TP73: variants seen among roughly 807,000 people sequenced by gnomAD.
TP73 encodes the protein p53-like transcription factor.
In TP73, 25 loss-of-function variants were observed where a neutral mutation model predicts 62.5. The observed-to-expected ratio is 0.40, with a 90% CI of 0.29 to 0.56. TP73 has a LOEUF of 0.56. TP73 is among the 20% of genes least tolerant of loss of function. The pLI, the probability that TP73 is intolerant of heterozygous loss-of-function variation, is 0.46. For missense variants in TP73, 754 were observed against 913.3 expected (o/e 0.83, Z 2.25); for synonymous variants, 423 against 377.5 (o/e 1.12, Z -1.40).
intron 3 of TP73, among the ~76,000 whole-genome samples, chr1:3,702,770 C>T (rs1415542229): frequency 2.0e-5 from 3 of 152,228 alleles, no homozygotes; most frequent in South Asian, 2.1e-4. Context: ...TTGTGGCCGC[C>T]GCGGGCCGGG....
intron 3 of TP73, among the ~76,000 whole-genome samples, chr1:3,705,046 T>C (rs1051544280): frequency 2.6e-5 from 4 of 152,168 alleles, no homozygotes; most frequent in African/African-American, 9.7e-5. Context: ...ATATTTTGTT[T>C]CGTTTTTTGA....
intron 13 of TP73, 73 bp from the exon 14 acceptor site, chr1:3,732,674 C>T (rs1244150279): frequency 1.9e-5 from 27 of 1,399,730 alleles, no homozygotes; most frequent in South Asian, 7.0e-5. Flanking sequence ...GGCCAGACCT[C>T]CAGGCCCAGG....
At chr1:3,705,803 C>T (rs1037878998) in intron 3 of TP73, among the ~76,000 whole-genome samples, 11 of 152,230 alleles carry the variant, frequency 7.2e-5, no homozygotes, top group African/African-American at 2.7e-4. Flanking sequence ...ACTTGCCTGG[C>T]GTCCTTCTCC....
intron 3 of TP73, among the ~76,000 whole-genome samples, chr1:3,692,054 GTA>G (rs1242955314): frequency 1.5e-4 from 23 of 152,200 alleles, no homozygotes; most frequent in African/African-American, 7.2e-5. Context: ...ATGTGTGTGT[GTA>G]TGTTATGGGT....
At chr1:3,669,029 C>T (rs1404375237) in intron 1 of TP73, among the ~76,000 whole-genome samples, 2 of 152,234 alleles carry the variant, frequency 1.3e-5, no homozygotes, top group African/African-American at 2.4e-5. Flanking sequence ...GCCACGCTGC[C>T]GCCTAGTTTC....
intron 12 of TP73, 138 bp from the exon 13 acceptor site, chr1:3,731,325 T>C (rs1642123606): frequency 1.0e-6 from 1 of 976,896 alleles, no homozygotes; most frequent in African/African-American, 1.6e-5. Context: ...AGGGATGCCG[T>C]GGCCACCTGT....
rs1638953037 is a variant in TP73, at chr1:3,699,272, C to T, written c.187-8277C>T. Among the ~76,000 whole-genome samples the T allele has an allele frequency of 6.6e-6, 1 of 152,200 alleles. No homozygotes were observed. The highest frequency in any genetic ancestry group is 2.4e-5 in the African/African-American group (1 of 41,456). ...GGATGGGCTCTCTTCCTCCGAAGCC[C>T]AGGCTGCTTGTCAGTCACTCACCCC... On this transcript the variant is annotated intron_variant, in intron 3 of 13. Transcript: ENST00000378295. The surrounding 1 kb of genome is among the most constrained non-coding windows in gnomAD (Gnocchi z 4.1).
At chr1:3,661,728 A>G (rs1644991713) in intron 1 of TP73, among the ~76,000 whole-genome samples, 1 of 147,166 alleles carries the variant, frequency 6.8e-6, no homozygotes, top group Non-Finnish European at 1.5e-5. Context: ...TTGTGTATAT[A>G]TATATATATA....
intron 4 of TP73, chr1:3,708,222 G>A (rs575181763): frequency 7.9e-5 from 16 of 201,520 alleles, no homozygotes; most frequent in South Asian, 4.5e-4. Flanking sequence ...GCAGCGAGAC[G>A]CATCTGCGGG....
In TP73 at chr1:3,734,349, G is replaced by C. The variant is rs141859863; in HGVS notation, c.*1270G>C. The C allele has an allele frequency of 6.6e-6, 1 of 152,246 alleles. No homozygotes were observed. Among genetic ancestry groups the C allele is most frequent in the Non-Finnish European group, 1.5e-5 (1 of 68,094 alleles). 9.4% of individuals were successfully genotyped at this position (152,246 alleles called of 1,614,324 possible). A position where few individuals can be genotyped will look rare whatever the true frequency, so the allele number is the denominator to read the frequency against. ...AGGAGCAGCCTGAGCCTTGGTGGCC[G>C]AACCTTGACCGTCCCGGAGCACAGC... is the stretch of plus-strand genomic sequence containing the variant. On this transcript the variant is annotated 3_prime_UTR_variant, in exon 14 of 14. Coordinates refer to ENST00000378295, the MANE Select transcript of TP73 (RefSeq NM_005427.4). This position sits in a 1 kb window ranked among gnomAD's most constrained non-coding sequence, Gnocchi z 4.4.
At chr1:3,667,783 A>G (rs986054374) in intron 1 of TP73, among the ~76,000 whole-genome samples, 1 of 152,126 alleles carries the variant, frequency 6.6e-6, no homozygotes, top group Admixed American at 6.5e-5. Flanking sequence ...AAAAGTAAAA[A>G]AGAAAAAAAG....
chr1:3,698,229 C>A, intron 3 of TP73: 1 of 617,976 alleles, frequency 1.6e-6, no homozygotes, highest in Non-Finnish European at 2.0e-6. Context: ...CTGGGTTGGG[C>A]TCTGGGGTGC....
intron 4 of TP73, chr1:3,712,290 A>C (rs906141598): frequency 6.6e-6 from 1 of 152,264 alleles, no homozygotes; most frequent in Non-Finnish European, 1.5e-5. Context: ...AATTGCTGAT[A>C]TCATGTGGCG....
At chr1:3,656,974 G>GT (rs1644878640) in intron 1 of TP73, among the ~76,000 whole-genome samples, 2 of 152,322 alleles carry the variant, frequency 1.3e-5, no homozygotes, top group Admixed American at 1.3e-4. Context: ...TTAAAAAGTG[G>GT]TTTGTGCTTG....
intron 3 of TP73, among the ~76,000 whole-genome samples, chr1:3,689,151 A>T (rs542923863): frequency 1.3e-5 from 2 of 151,958 alleles, no homozygotes; most frequent in Non-Finnish European, 2.9e-5. Flanking sequence ...TCCCCAGGGC[A>T]TCCCCGATCC....
Position 3,663,655 on chromosome 1 carries a change from G to T in TP73, c.-34+11014G>T, listed in dbSNP as rs1344314109. ...GGCGTGAACCAGGAAGGTGGAGCTTGCAGTGAGCCAAGATCGTGCAACAAT... is the reference window on the plus strand; with the variant it reads ...GGCGTGAACCAGGAAGGTGGAGCTTTCAGTGAGCCAAGATCGTGCAACAAT... On this transcript the variant is annotated intron_variant, in intron 1 of 13. Coordinates refer to ENST00000378295, the MANE Select transcript of TP73 (RefSeq NM_005427.4). The surrounding 1 kb of genome is among the most constrained non-coding windows in gnomAD (Gnocchi z 4.7). 6.6e-6 allele frequency among the ~76,000 whole-genome samples: 1 copy of T among 151,156 alleles called. No individual in the cohort carries two copies. Among genetic ancestry groups the T allele is most frequent in the Non-Finnish European group, 1.5e-5 (1 of 67,888 alleles).
At chr1:3,667,351 A>T (rs1645141751) in intron 1 of TP73, among the ~76,000 whole-genome samples, 1 of 152,224 alleles carries the variant, frequency 6.6e-6, no homozygotes, top group Admixed American at 6.5e-5. Flanking sequence ...GAGTAAATTT[A>T]TCTCATTCTG....
intron 1 of TP73, among the ~76,000 whole-genome samples, chr1:3,675,425 C>A (rs188544455): frequency 8.5e-5 from 13 of 152,286 alleles, no homozygotes; most frequent in African/African-American, 3.1e-4. Context: ...TGGGAACCAC[C>A]GGAATCAGAA....
chr1:3,719,890 T>G (rs953323570), intron 4 of TP73, among the ~76,000 whole-genome samples: 1 of 132,144 alleles, frequency 7.6e-6, no homozygotes, highest in Admixed American at 7.5e-5. Context: ...TTTTTTCTCT[T>G]TGTGTGTGTG....
Sources: allele counts gnomAD v4.1 joint callset (sites outside exome capture counted in the v4.1 genomes callset), GRCh38; gene constraint gnomAD v4.1.1; non-coding constraint Gnocchi (gnomAD v3.1); transcripts MANE v1.5; gene names NCBI Gene and HGNC (gene_info 2026-07-23, HGNC 2026-07-21).